EBF2: variants seen among roughly 807,000 people sequenced by gnomAD.
The protein encoded by EBF2 is transcription factor COE2.
In EBF2, 21 loss-of-function variants were observed where a neutral mutation model predicts 72.8. The observed-to-expected ratio is 0.29, with a 90% CI of 0.20 to 0.42. The LOEUF (loss-of-function observed/expected upper bound fraction) is 0.42. EBF2 is among the 10% of genes least tolerant of loss of function. The probability of loss-of-function intolerance (pLI) is 1.00; values close to 1 mark genes in which losing one functional copy is unlikely to be tolerated. For missense variants in EBF2, 637 were observed against 731.2 expected (o/e 0.87, Z 1.49); for synonymous variants, 299 against 274.2 (o/e 1.09, Z -0.89).
intron 6 of EBF2, among the ~76,000 whole-genome samples, chr8:25,979,327 G>T (rs7018043): frequency 0.017 from 2,594 of 152,344 alleles, 86 homozygotes; most frequent in African/African-American, 0.058. Flanking sequence ...TGCACGGGAC[G>T]AGCACCATGT....
chr8:25,976,502 A>G (rs1804270672), intron 6 of EBF2, among the ~76,000 whole-genome samples: 2 of 152,210 alleles, frequency 1.3e-5, no homozygotes, highest in Non-Finnish European at 2.9e-5. Context: ...GACACAGTAT[A>G]TTTCGACTGA....
At chr8:25,943,753 CT>C (rs1226755015) in intron 6 of EBF2, among the ~76,000 whole-genome samples, 1 of 152,158 alleles carries the variant, frequency 6.6e-6, no homozygotes, top group African/African-American at 2.4e-5. Flanking sequence ...AAATACAGTT[CT>C]CCCCAGTATA....
At chr8:25,892,654 C>T (rs949152936) in intron 7 of EBF2, among the ~76,000 whole-genome samples, 1 of 152,080 alleles carries the variant, frequency 6.6e-6, no homozygotes, top group Non-Finnish European at 1.5e-5. Context: ...TCCCTAAAAC[C>T]CATGAGTCCA....
At chr8:25,856,051 G>C (rs180946597) in intron 14 of EBF2, among the ~76,000 whole-genome samples, 1 of 152,158 alleles carries the variant, frequency 6.6e-6, no homozygotes, top group East Asian at 1.9e-4. Flanking sequence ...GAAGGAAGTC[G>C]TCACTGGTGG....
At chr8:26,043,209 C>T (rs1218657443) in intron 1 of EBF2, among the ~76,000 whole-genome samples, 4 of 152,236 alleles carry the variant, frequency 2.6e-5, no homozygotes, top group Non-Finnish European at 1.5e-5. Flanking sequence ...CATCAGATCC[C>T]ATTTCACCGA....
intron 6 of EBF2, among the ~76,000 whole-genome samples, chr8:25,957,460 G>A (rs1350092557): frequency 3.3e-5 from 5 of 152,238 alleles, no homozygotes; most frequent in African/African-American, 1.2e-4. Context: ...TCCCCCGCAG[G>A]CCACCTCTTC....
At chr8:25,886,659 C>T in intron 10 of EBF2, 96 bp downstream of exon 10, 1 of 1,403,438 alleles carries the variant, frequency 7.1e-7, no homozygotes. Flanking sequence ...GTAAAAAGAC[C>T]TAGAAAAATC....
chr8:25,881,845 G>A (rs4295670), intron 10 of EBF2, among the ~76,000 whole-genome samples: 82,290 of 152,054 alleles, frequency 0.54, 24,878 homozygotes, highest in African/African-American at 0.81. Context: ...AGGCACCGGC[G>A]GGCCACTGAC....
At chr8:25,853,962 G>A (rs1802034268) in intron 14 of EBF2, among the ~76,000 whole-genome samples, 1 of 151,892 alleles carries the variant, frequency 6.6e-6, no homozygotes, top group Non-Finnish European at 1.5e-5. Context: ...CTGGCTGATG[G>A]GATTATGAAT....
At chr8:25,960,286 G>A (rs940668565) in intron 6 of EBF2, among the ~76,000 whole-genome samples, 8 of 152,198 alleles carry the variant, frequency 5.3e-5, no homozygotes, top group African/African-American at 1.7e-4. Flanking sequence ...AAAGAAATGG[G>A]ATTCCTATCG....
At chr8:25,987,933 T>C (rs1007775528) in intron 6 of EBF2, among the ~76,000 whole-genome samples, 7 of 152,318 alleles carry the variant, frequency 4.6e-5, no homozygotes, top group African/African-American at 1.7e-4. Context: ...CTTGAGGAGA[T>C]CTACCAATTT....
intron 7 of EBF2, among the ~76,000 whole-genome samples, chr8:25,894,146 C>T (rs1278581519): frequency 1.3e-5 from 2 of 152,176 alleles, no homozygotes; most frequent in Non-Finnish European, 2.9e-5. Context: ...AACTCCACAA[C>T]AGGAAACCAG....
At chr8:25,954,930 G>A (rs1464605268) in intron 6 of EBF2, among the ~76,000 whole-genome samples, 1 of 152,230 alleles carries the variant, frequency 6.6e-6, no homozygotes, top group East Asian at 1.9e-4. Context: ...GTTCACCACA[G>A]TGACTGCGGC....
chr8:25,876,046 G>A (rs950126658), intron 10 of EBF2, among the ~76,000 whole-genome samples: 5 of 152,192 alleles, frequency 3.3e-5, no homozygotes, highest in African/African-American at 1.2e-4. Flanking sequence ...TAATAAAAAT[G>A]TGGTATATAT....
rs1033962458 is a variant in EBF2, at chr8:25,841,732, A to G, written c.*2877T>C. 6.6e-6 allele frequency: 1 copy of G among 152,214 alleles called. No individual in the cohort carries two copies. The highest frequency in any genetic ancestry group is 2.4e-5 in the African/African-American group (1 of 41,470). 9.4% of individuals were successfully genotyped at this position (152,214 alleles called of 1,614,324 possible). On this transcript the variant is annotated 3_prime_UTR_variant, in exon 16 of 16. Coordinates refer to ENST00000520164, the MANE Select transcript of EBF2 (RefSeq NM_022659.4). ...AAAGCAAAGGTCCACTCATTTTTAC[A>G]GTACAAAAATTTTATTTTTTTGTTA...
intron 10 of EBF2, among the ~76,000 whole-genome samples, chr8:25,885,037 T>C (rs2117287789): frequency 6.6e-6 from 1 of 152,306 alleles, no homozygotes; most frequent in South Asian, 2.1e-4. Context: ...TGTCAAAGTA[T>C]AATACCTCAT....
At chr8:26,009,777 A>C (rs1804946634) in intron 6 of EBF2, among the ~76,000 whole-genome samples, 1 of 152,250 alleles carries the variant, frequency 6.6e-6, no homozygotes, top group African/African-American at 2.4e-5. Flanking sequence ...ACTGTTTTGC[A>C]GGGAAACACC....
At chr8:25,890,004 CAG>C (rs1274892363) in intron 7 of EBF2, 135 bp from the exon 8 acceptor site, 7 of 715,120 alleles carry the variant, frequency 9.8e-6, no homozygotes, top group Admixed American at 9.1e-5. Context: ...TGGGACTCAA[CAG>C]AGTTTTCTCC....
intron 10 of EBF2, among the ~76,000 whole-genome samples, chr8:25,877,194 C>G (rs1466939335): frequency 6.6e-6 from 1 of 152,206 alleles, no homozygotes; most frequent in African/African-American, 2.4e-5. Context: ...TCACTGCCAC[C>G]TGAAGTCAAG....
Sources: gnomAD v4.1 joint callset for allele counts (sites outside exome capture counted in the v4.1 genomes callset) on GRCh38, gnomAD v4.1.1 for gene constraint, MANE v1.5 for transcripts, NCBI Gene and HGNC (gene_info 2026-07-23, HGNC 2026-07-21) for gene names.